Variants in NDUFAF5 observed in about 807,000 individuals in gnomAD.
The protein encoded by NDUFAF5 is arginine-hydroxylase NDUFAF5, mitochondrial.
NDUFAF5 carries 34 observed loss-of-function variants against 48.9 expected under a neutral mutation model. That is an observed-to-expected ratio of 0.70 (90% confidence interval 0.53 to 0.93). NDUFAF5 has a LOEUF of 0.93. Among genes scored for constraint, NDUFAF5 ranks in the 40% least tolerant of loss-of-function variants. NDUFAF5 has a pLI of 0.00. For synonymous variants in NDUFAF5, 153 were observed against 150.6 expected, an observed-to-expected ratio of 1.02 and a Z score of -0.12; for missense variants, 428 against 427.5, an observed-to-expected ratio of 1.00 and a Z score of -0.01.
chr20:13,801,807 CT>C, intron 7 of NDUFAF5, 124 bp downstream of exon 7: 1 of 799,742 alleles, frequency 1.3e-6, no homozygotes, highest in Non-Finnish European at 2.0e-6. Context: ...CTTTTTTTTT[CT>C]CTTTTTAAGG....
chr20:13,808,468 A>G (rs1322196278), intron 7 of NDUFAF5, among the ~76,000 whole-genome samples: 1 of 152,102 alleles, frequency 6.6e-6, no homozygotes, highest in Non-Finnish European at 1.5e-5. Flanking sequence ...ATTGATATTG[A>G]CACTGTCCAG....
At chr20:13,811,942 TAAAG>T (rs1241881303) in intron 8 of NDUFAF5, among the ~76,000 whole-genome samples, 1 of 152,212 alleles carries the variant, frequency 6.6e-6, no homozygotes, top group African/African-American at 2.4e-5. Flanking sequence ...TAAGATGATT[TAAAG>T]AAAGAGGATT....
At chr20:13,785,328 C>CGGG in intron 1 of NDUFAF5, 38 bp downstream of exon 1, 14 of 1,294,994 alleles carry the variant, frequency 1.1e-5, no homozygotes, top group Non-Finnish European at 1.3e-5. Context: ...GGGCGGGCGA[C>CGGG]GCGGAGGCTT....
intron 3 of NDUFAF5, 135 bp from the exon 4 acceptor site, chr20:13,793,045 C>T: frequency 1.1e-6 from 1 of 877,512 alleles, no homozygotes. Flanking sequence ...TATTTGTGTA[C>T]CATACTGGTT....
chr20:13,796,661 A>G (rs1001320184), intron 5 of NDUFAF5, among the ~76,000 whole-genome samples: 2 of 152,036 alleles, frequency 1.3e-5, no homozygotes, highest in Admixed American at 1.3e-4. Flanking sequence ...GCATGACTAC[A>G]CTCTAGGTGA....
intron 7 of NDUFAF5, among the ~76,000 whole-genome samples, chr20:13,804,712 A>T (rs1377844102): frequency 6.6e-6 from 1 of 152,196 alleles, no homozygotes; most frequent in Non-Finnish European, 1.5e-5. Context: ...TCATTTATGT[A>T]TTCAGTCTTG....
At chr20:13,790,159 A>G (rs1982040263) in intron 3 of NDUFAF5, among the ~76,000 whole-genome samples, 1 of 152,186 alleles carries the variant, frequency 6.6e-6, no homozygotes, top group South Asian at 2.1e-4. Flanking sequence ...GAAAGGGTAG[A>G]GAAACCCATC....
intron 8 of NDUFAF5, among the ~76,000 whole-genome samples, chr20:13,813,184 A>G (rs1222398390): frequency 6.6e-6 from 1 of 152,182 alleles, no homozygotes; most frequent in Non-Finnish European, 1.5e-5. Context: ...TCCTGACCTC[A>G]GGTGATCCAC....
intron 3 of NDUFAF5, among the ~76,000 whole-genome samples, chr20:13,789,179 T>G (rs962022278): frequency 2.5e-4 from 38 of 152,354 alleles, no homozygotes; most frequent in Middle Eastern, 3.4e-3. Flanking sequence ...TTCTTTTTTT[T>G]TCTGAGATGG....
intron 3 of NDUFAF5, among the ~76,000 whole-genome samples, chr20:13,790,142 A>G (rs1982036937): frequency 6.6e-6 from 1 of 152,166 alleles, no homozygotes; most frequent in African/African-American, 2.4e-5. Context: ...AGAAAGATTG[A>G]AGAAGAGAAA....
In NDUFAF5 at chr20:13,808,848, G is replaced by A. The variant is rs1985446526; in HGVS notation, c.724G>A (p.Asp242Asn). Residue 242 changes from aspartate (D) to asparagine (N), a missense_variant, in exon 8 of 11, where the codon GAT becomes AAT. Coordinates refer to ENST00000378106, the MANE Select transcript of NDUFAF5 (RefSeq NM_024120.5). ...TCTTTTTCTTTTTAAATAGGACACT[G>A]ATGAAATTCAAGTTAACTATCCTGG... ...AGFNTLTVDT[D>N]EIQVNYPGMF... The A allele has an allele frequency of 6.4e-7, 1 of 1,566,686 alleles. No homozygotes were observed.
At chr20:13,813,471 C>A (rs770641913) in intron 8 of NDUFAF5, among the ~76,000 whole-genome samples, 9 of 152,130 alleles carry the variant, frequency 5.9e-5, no homozygotes, top group Non-Finnish European at 1.2e-4. Context: ...CTTCACTTAG[C>A]GTTTATTGAG....
At chr20:13,792,526 G>A (rs573676528) in intron 3 of NDUFAF5, among the ~76,000 whole-genome samples, 3 of 152,296 alleles carry the variant, frequency 2.0e-5, no homozygotes, top group African/African-American at 7.2e-5. Context: ...TAGAGTTGTG[G>A]ATTATAAACC....
chr20:13,794,873 C>T lies in NDUFAF5; in HGVS notation c.411C>T (p.Ser137=), dbSNP rs746718847. 29 of 1,612,882 alleles carry T rather than the reference C, an allele frequency of 1.8e-5. No individual in the cohort carries two copies. The Admixed American group carries it at 2.7e-4, about 15-fold the overall frequency. The change falls in exon 5 of 11, where the codon AGC becomes AGT. Residue 137 remains serine (S), a synonymous_variant. Transcript: ENST00000378106. The part of the protein sequence containing the change: ...NSSETEIPTV[S]VLADEEFLPF... ...CAGAAACAGAAATACCTACTGTCAG[C>T]GTTTTAGCTGATGAAGAATTCCTTC... is the stretch of plus-strand genomic sequence containing the variant.
At chr20:13,793,377 C>T (rs957103460) in intron 4 of NDUFAF5, 150 bp downstream of exon 4, 15 of 715,580 alleles carry the variant, frequency 2.1e-5, no homozygotes, top group Admixed American at 1.5e-4. Context: ...AAGGAAAAAT[C>T]ACCCCTATCA....
chr20:13,807,721 A>T (rs1007309233), intron 7 of NDUFAF5, among the ~76,000 whole-genome samples: 1 of 151,880 alleles, frequency 6.6e-6, no homozygotes, highest in African/African-American at 2.4e-5. Context: ...AGGCTGGTGG[A>T]TCACAAGGTT....
At chr20:13,798,534 GTTA>G (rs771542179) in intron 6 of NDUFAF5, 34 bp downstream of exon 6, 1 of 1,514,798 alleles carries the variant, frequency 6.6e-7, no homozygotes, top group African/African-American at 1.4e-5. Flanking sequence ...ACTATCTTGT[GTTA>G]TTTTCTTTAT....
intron 7 of NDUFAF5, among the ~76,000 whole-genome samples, chr20:13,806,078 C>T (rs1329265319): frequency 6.6e-6 from 1 of 152,038 alleles, no homozygotes; most frequent in East Asian, 1.9e-4. Flanking sequence ...AAAGTGAAAT[C>T]GAGTCAGATT....
chr20:13,806,352 A>C (rs1443242667), intron 7 of NDUFAF5, among the ~76,000 whole-genome samples: 9 of 152,112 alleles, frequency 5.9e-5, no homozygotes, highest in African/African-American at 2.2e-4. Context: ...CTGAAAATAC[A>C]AAAAAATTAG....
Sources: allele counts gnomAD v4.1 joint callset (sites outside exome capture counted in the v4.1 genomes callset), GRCh38; gene constraint gnomAD v4.1.1; transcripts MANE v1.5; gene names NCBI Gene and HGNC (gene_info 2026-07-23, HGNC 2026-07-21).